Variants in NRXN3 observed in about 807,000 individuals in gnomAD.
NRXN3 encodes the protein neurexin 3.
Under a neutral mutation model 137.6 loss-of-function variants are expected in NRXN3, and 32 were observed. That is an observed-to-expected ratio of 0.23 (90% CI 0.18 to 0.31). The LOEUF (loss-of-function observed/expected upper bound fraction) is 0.31, where lower values mean the gene tolerates loss of function less well. NRXN3 is among the 10% of genes least tolerant of loss of function. The probability of loss-of-function intolerance (pLI) is 1.00; values close to 1 mark genes in which losing one functional copy is unlikely to be tolerated. For missense variants in NRXN3, 1,574 were observed against 2,062.5 expected (o/e 0.76, Z 4.59); for synonymous variants, 798 against 784.5 (o/e 1.02, Z -0.29).
chr14:79,053,702 G>A (rs139599879), intron 15 of NRXN3, among the ~76,000 whole-genome samples: 1 of 152,092 alleles, frequency 6.6e-6, no homozygotes, highest in Non-Finnish European at 1.5e-5. Context: ...AAGAAGTAAT[G>A]TCTGTGATGG....
At chr14:78,853,304 G>A (rs1031024879) in intron 10 of NRXN3, among the ~76,000 whole-genome samples, 3 of 152,124 alleles carry the variant, frequency 2.0e-5, no homozygotes, top group African/African-American at 7.2e-5. Flanking sequence ...ACCTATGAGT[G>A]AGAACATGCG....
intron 4 of NRXN3, among the ~76,000 whole-genome samples, chr14:78,601,827 A>G (rs951814017): frequency 6.6e-6 from 1 of 152,174 alleles, no homozygotes; most frequent in Admixed American, 6.5e-5. Flanking sequence ...TTATCAGAGT[A>G]AATACAACTG....
At chr14:79,535,390 T>C (rs2097202477) in intron 16 of NRXN3, among the ~76,000 whole-genome samples, 2 of 152,142 alleles carry the variant, frequency 1.3e-5, no homozygotes, top group Admixed American at 1.3e-4. Flanking sequence ...CATGGATCGG[T>C]TGCAGCATCA....
Position 79,692,224 on chromosome 14 carries a change from A to G in NRXN3, c.3668A>G (p.Lys1223Arg), listed in dbSNP as rs1265270013. The change falls in exon 18 of 21, where the codon AAA becomes AGA. Residue 1223 changes from lysine (K) to arginine (R), a missense_variant. By Grantham distance (26) the Lys-to-Arg change is conservative (BLOSUM62 2). Coordinates refer to ENST00000335750, the MANE Select transcript of NRXN3 (RefSeq NM_001330195.2). ...ATGGTAAAACAGAAAATCCCCTTCA[A>G]ATATAATCGGCCTGTAGAGGAGTGG... ...FQMVKQKIPF[K>R]YNRPVEEWLQ... The G allele has an allele frequency of 2.5e-6, 4 of 1,610,270 alleles. No individual in the cohort carries two copies. Among genetic ancestry groups the G allele is most frequent in the Non-Finnish European group, 3.4e-6 (4 of 1,178,282 alleles).
intron 15 of NRXN3, among the ~76,000 whole-genome samples, chr14:79,056,545 A>G (rs914390929): frequency 6.6e-6 from 1 of 152,218 alleles, no homozygotes; most frequent in Non-Finnish European, 1.5e-5. Flanking sequence ...TCCGGGGTTC[A>G]GAGGAGTTAT....
chr14:78,822,000 A>G (rs920792393), intron 10 of NRXN3, among the ~76,000 whole-genome samples: 2 of 152,188 alleles, frequency 1.3e-5, no homozygotes, highest in African/African-American at 4.8e-5. Context: ...ATCCTCCTAC[A>G]TATCTGATAG....
At chr14:79,469,182 A>T (rs2096467197) in intron 16 of NRXN3, among the ~76,000 whole-genome samples, 1 of 152,204 alleles carries the variant, frequency 6.6e-6, no homozygotes, top group Admixed American at 6.5e-5. Context: ...TTTGGCACAG[A>T]CATGAGCATC....
chr14:78,968,350 C>A lies in NRXN3; in HGVS notation c.3142+4C>A, dbSNP rs2270964. On this transcript the variant is annotated splice_donor_region_variant and intron_variant, in intron 14 of 20. Transcript: ENST00000335750. Reference sequence around the variant, plus strand: ...CAGATCGAGCGTGGCTGTGAAGGTACAACCTATTTTTTTCTTGTTAAGCTA... The same window carrying A: ...CAGATCGAGCGTGGCTGTGAAGGTAAAACCTATTTTTTTCTTGTTAAGCTA... 0.031 allele frequency: 49,908 copies of A among 1,611,740 alleles called. 4,262 individuals carry two copies. In the East Asian group the frequency reaches 0.36, roughly 12 times the overall value.
At chr14:78,712,799 G>C (rs988317869) in intron 7 of NRXN3, among the ~76,000 whole-genome samples, 2 of 152,184 alleles carry the variant, frequency 1.3e-5, no homozygotes, top group African/African-American at 4.8e-5. Context: ...CTGACCTCAA[G>C]TGATCTGCCC....
chr14:79,629,498 G>T (rs891708466), intron 16 of NRXN3, among the ~76,000 whole-genome samples: 1 of 152,096 alleles, frequency 6.6e-6, no homozygotes. Flanking sequence ...ACTTTGCGTA[G>T]CCCTGGTTAA....
chr14:79,049,317 T>C (rs1425861641), intron 15 of NRXN3, among the ~76,000 whole-genome samples: 9 of 152,122 alleles, frequency 5.9e-5, no homozygotes, highest in Non-Finnish European at 2.9e-5. Flanking sequence ...CAGGAATAAA[T>C]TCCATCTCAA....
At chr14:79,645,629 A>C (rs2098450288) in intron 16 of NRXN3, among the ~76,000 whole-genome samples, 1 of 133,550 alleles carries the variant, frequency 7.5e-6, no homozygotes, top group Non-Finnish European at 1.7e-5. Flanking sequence ...AAAAAAAAAA[A>C]AGTTTTTTTC....
intron 4 of NRXN3, among the ~76,000 whole-genome samples, chr14:78,640,297 A>G (rs1391951775): frequency 6.6e-6 from 1 of 152,234 alleles, no homozygotes. Context: ...CTAAAAGATT[A>G]TGCAATCTCT....
intron 16 of NRXN3, among the ~76,000 whole-genome samples, chr14:79,528,701 T>A (rs114389529): frequency 6.6e-6 from 1 of 152,026 alleles, no homozygotes; most frequent in Non-Finnish European, 1.5e-5. Context: ...GACTAGAAAA[T>A]TATTTAGCAA....
Position 78,967,365 on chromosome 14 carries a change from G to A in NRXN3, c.2935G>A (p.Val979Ile), listed in dbSNP as rs754563348. The change falls in exon 13 of 21, where the codon GTT becomes ATT. Residue 979 changes from valine (V) to isoleucine (I), a missense_variant. Physicochemically the swap from Val to Ile is conservative, Grantham distance 29 (BLOSUM62 3). This residue lies in a region of NRXN3 where 718 missense variants were observed against 887.6 expected (regional missense o/e 0.81). Coordinates refer to ENST00000335750, the MANE Select transcript of NRXN3 (RefSeq NM_001330195.2). ...LKVDTKVVTQVINGAKNLDLK... is the reference protein window; with the variant it reads ...LKVDTKVVTQIINGAKNLDLK... ...AGTGGACACCAAAGTGGTCACTCAG[G>A]TTATCAATGGTGCCAAAAATCTGGA... 2 of 1,613,482 alleles carry A rather than the reference G, an allele frequency of 1.2e-6. No homozygotes were observed. Among genetic ancestry groups the A allele is most frequent in the East Asian group, 2.2e-5 (1 of 44,874 alleles).
At chr14:79,736,699 G>T (rs2024335) in intron 19 of NRXN3, among the ~76,000 whole-genome samples, 97,419 of 151,988 alleles carry the variant, frequency 0.64, 32,318 homozygotes, top group African/African-American at 0.78. Context: ...TGTTATTTAT[G>T]GGTGCTCAAA....
chr14:78,333,625 G>T (rs1416418987), intron 4 of NRXN3, among the ~76,000 whole-genome samples: 3 of 152,134 alleles, frequency 2.0e-5, no homozygotes, highest in Non-Finnish European at 4.4e-5. Flanking sequence ...AAGGCAGTTA[G>T]AGAGACCTCA....
intron 16 of NRXN3, among the ~76,000 whole-genome samples, chr14:79,469,017 C>A (rs1239687622): frequency 1.3e-5 from 2 of 152,190 alleles, no homozygotes; most frequent in Non-Finnish European, 2.9e-5. Context: ...CTAAGAACCA[C>A]CATAATTTAC....
chr14:79,179,221 A>G (rs571952565), intron 15 of NRXN3, among the ~76,000 whole-genome samples: 2 of 152,280 alleles, frequency 1.3e-5, no homozygotes, highest in South Asian at 2.1e-4. Context: ...TTAACTAGAC[A>G]TATACAAAGA....
Sources: allele counts gnomAD v4.1 joint callset (sites outside exome capture counted in the v4.1 genomes callset), GRCh38; gene constraint gnomAD v4.1.1; regional missense constraint gnomAD v4.1.1; transcripts MANE v1.5; gene names NCBI Gene and HGNC (gene_info 2026-07-23, HGNC 2026-07-21).